Variants in PTCHD4 observed in about 807,000 individuals in gnomAD.
The protein encoded by PTCHD4 is patched domain containing 4.
PTCHD4 carries 33 observed loss-of-function variants against 58.1 expected under a neutral mutation model. The observed-to-expected ratio is 0.57, with a 90% CI of 0.43 to 0.76. The LOEUF (loss-of-function observed/expected upper bound fraction) is 0.76. PTCHD4 is among the 30% of genes least tolerant of loss of function. PTCHD4 has a pLI of 0.00. For missense variants in PTCHD4, 1,058 were observed against 1,027.1 expected (o/e 1.03, Z -0.41); for synonymous variants, 478 against 409.6 (o/e 1.17, Z -2.02).
intron 3 of PTCHD4, among the ~76,000 whole-genome samples, chr6:48,037,237 T>C (rs1158202449): frequency 6.6e-6 from 1 of 152,170 alleles, no homozygotes; most frequent in Non-Finnish European, 1.5e-5. Context: ...GTTATCATTG[T>C]TCTCTTTTAT....
intron 4 of PTCHD4, among the ~76,000 whole-genome samples, chr6:47,904,811 T>C (rs1328987): frequency 0.66 from 100,137 of 152,070 alleles, 33,293 homozygotes; most frequent in East Asian, 0.78. Flanking sequence ...TACATAAACC[T>C]TTAGTAAGTA....
chr6:48,098,403 A>T (rs1582136742), intron 1 of PTCHD4, among the ~76,000 whole-genome samples: 1 of 145,326 alleles, frequency 6.9e-6, no homozygotes, highest in East Asian at 2.0e-4. Flanking sequence ...CAGTGGCAGG[A>T]TCTCCGCTCG....
At chr6:48,084,310 A>G (rs968847315) in intron 1 of PTCHD4, among the ~76,000 whole-genome samples, 1 of 152,236 alleles carries the variant, frequency 6.6e-6, no homozygotes, top group Non-Finnish European at 1.5e-5. Context: ...TACATTTCAG[A>G]TTAATCACTT....
chr6:47,942,159 C>T (rs1766254759), intron 4 of PTCHD4, among the ~76,000 whole-genome samples: 1 of 152,180 alleles, frequency 6.6e-6, no homozygotes. Flanking sequence ...AACACACTCT[C>T]AAAGGATGAA....
At chr6:48,095,057 G>A (rs1344123841) in intron 1 of PTCHD4, among the ~76,000 whole-genome samples, 1 of 152,144 alleles carries the variant, frequency 6.6e-6, no homozygotes, top group African/African-American at 2.4e-5. Context: ...ATGGACATGA[G>A]AAAATTTTCG....
intron 4 of PTCHD4, among the ~76,000 whole-genome samples, chr6:47,977,220 A>G (rs1158882795): frequency 6.6e-6 from 1 of 152,174 alleles, no homozygotes; most frequent in Non-Finnish European, 1.5e-5. Flanking sequence ...CCTAGTATTT[A>G]TTCTCTTTTG....
rs1418685011 is a variant in PTCHD4 at position 47,982,495 on chromosome 6, T to TTG, written c.898+26138_898+26139insCA. 2.0e-5 allele frequency among the ~76,000 whole-genome samples: 3 copies of TTG among 149,476 alleles called. No individual in the cohort carries two copies. The East Asian group carries it at 5.9e-4, about 29-fold the overall frequency. On this transcript the variant is annotated intron_variant, in intron 4 of 4. Coordinates refer to ENST00000339488, the MANE Select transcript of PTCHD4 (RefSeq NM_001384253.1). ...TTTATCTCTCTCTTTTTTTTTTTTTTTTTTGTTTTTTGAGATGGAGTCTCG... is the reference window on the plus strand; with the variant it reads ...TTTATCTCTCTCTTTTTTTTTTTTTTTGTTTTGTTTTTTGAGATGGAGTCTCG...
chr6:47,926,816 G>C (rs1051451592), intron 4 of PTCHD4, among the ~76,000 whole-genome samples: 4 of 152,156 alleles, frequency 2.6e-5, no homozygotes, highest in Non-Finnish European at 5.9e-5. Context: ...GTAGATGTGA[G>C]GATTAAAGGT....
rs1341444778 is a variant in PTCHD4, at chr6:47,860,917, C to G, written c.*17386G>C. Among the ~76,000 whole-genome samples, 1 of 151,892 alleles carries G rather than the reference C, an allele frequency of 6.6e-6. No homozygotes were observed. The highest frequency in any genetic ancestry group is 1.5e-5 in the Non-Finnish European group (1 of 67,916). ...AATAATTTTATATACTTTTAAAAAT[C>G]AGTTCTGTATCTAAGGTAGTATAGT... On this transcript the variant is annotated 3_prime_UTR_variant, in exon 5 of 5. Coordinates refer to ENST00000339488, the MANE Select transcript of PTCHD4 (RefSeq NM_001384253.1).
At chr6:48,109,932 A>G (rs909583252) in intron 1 of PTCHD4, among the ~76,000 whole-genome samples, 2 of 152,170 alleles carry the variant, frequency 1.3e-5, no homozygotes, top group African/African-American at 4.8e-5. Context: ...AAACTTAAAA[A>G]GAGAGAAAAA....
chr6:47,865,172 T>G lies in PTCHD4; in HGVS notation c.*13131A>C, dbSNP rs570082823. Among the ~76,000 whole-genome samples the G allele has an allele frequency of 6.0e-4, 91 of 152,068 alleles. No homozygotes were observed. The highest frequency in any genetic ancestry group is 2.1e-3 in the African/African-American group (88 of 41,544). On this transcript the variant is annotated 3_prime_UTR_variant, in exon 5 of 5. Coordinates refer to ENST00000339488, the MANE Select transcript of PTCHD4 (RefSeq NM_001384253.1). ...AATACGTGCATGTAGATAAGAGTTA[T>G]ATATACCTGAGTATCCAGTAATTTT...
At chr6:47,962,487 A>G (rs996253292) in intron 4 of PTCHD4, among the ~76,000 whole-genome samples, 1 of 152,102 alleles carries the variant, frequency 6.6e-6, no homozygotes, top group Non-Finnish European at 1.5e-5. Context: ...GAGATAATTG[A>G]ATCATGCATG....
chr6:48,104,024 T>G (rs1369168584), intron 1 of PTCHD4, among the ~76,000 whole-genome samples: 1 of 152,204 alleles, frequency 6.6e-6, no homozygotes, highest in Non-Finnish European at 1.5e-5. Flanking sequence ...TGGAAAACAC[T>G]CTGCAGGATA....
intron 4 of PTCHD4, among the ~76,000 whole-genome samples, chr6:47,970,530 G>A (rs947865057): frequency 3.9e-5 from 6 of 152,078 alleles, no homozygotes; most frequent in Admixed American, 1.3e-4. Context: ...CTTCTTAAGA[G>A]GCAGTTAGAC....
chr6:47,908,987 T>C (rs565219069), intron 4 of PTCHD4, among the ~76,000 whole-genome samples: 1 of 152,322 alleles, frequency 6.6e-6, no homozygotes, highest in Admixed American at 6.5e-5. Context: ...TCAGGAATAC[T>C]GCATAAATGA....
intron 1 of PTCHD4, among the ~76,000 whole-genome samples, chr6:48,072,019 G>GT (rs1764983898): frequency 6.6e-6 from 1 of 152,176 alleles, no homozygotes; most frequent in Non-Finnish European, 1.5e-5. Flanking sequence ...ACTTATCACT[G>GT]TTGATGTGAA....
intron 3 of PTCHD4, among the ~76,000 whole-genome samples, chr6:48,064,527 C>T (rs901933977): frequency 1.1e-4 from 16 of 151,776 alleles, no homozygotes; most frequent in Non-Finnish European, 1.9e-4. Context: ...TTACTGTATA[C>T]AATAGTATGA....
At chr6:48,026,403 A>G (rs962985743) in intron 3 of PTCHD4, among the ~76,000 whole-genome samples, 1 of 152,092 alleles carries the variant, frequency 6.6e-6, no homozygotes, top group African/African-American at 2.4e-5. Context: ...TTTGCAGCAG[A>G]CAATTTGGAA....
intron 1 of PTCHD4, among the ~76,000 whole-genome samples, chr6:48,102,592 A>T (rs1190082805): frequency 6.6e-6 from 1 of 152,204 alleles, no homozygotes; most frequent in Non-Finnish European, 1.5e-5. Flanking sequence ...TTCATCTCAC[A>T]GGGGAGTGCC....
Sources: gnomAD v4.1 joint callset for allele counts (sites outside exome capture counted in the v4.1 genomes callset) on GRCh38, gnomAD v4.1.1 for gene constraint, MANE v1.5 for transcripts, NCBI Gene and HGNC (gene_info 2026-07-23, HGNC 2026-07-21) for gene names.